The following ZNF28 variants were observed in gnomAD, a reference collection of about 807,000 sequenced individuals.
The protein encoded by ZNF28 is zinc finger protein 28, also known as zinc finger protein KOX24.
In ZNF28, 5 loss-of-function variants were observed where a neutral mutation model predicts 7.2. The ratio of observed to expected loss-of-function variants is 0.70; its 90% confidence interval spans 0.36 to 1.46. The LOEUF is 1.46. ZNF28 is among the 40% of genes most tolerant of loss of function. ZNF28 has a pLI of 0.03. For synonymous variants in ZNF28, 288 were observed against 292.4 expected (o/e 0.99, Z 0.15); for missense variants, 879 against 866.6 (o/e 1.01, Z -0.18).
chr19:52,799,730 G>A lies in ZNF28; in HGVS notation c.2115C>T (p.Asn705=), dbSNP rs111592619. The A allele has an allele frequency of 1.9e-6, 3 of 1,593,006 alleles. No individual in the cohort carries two copies. The highest frequency in any genetic ancestry group is 2.6e-6 in the Non-Finnish European group (3 of 1,164,042). The part of the protein sequence containing the change: ...ECGKTFSQMS[N]LVYHHRLHSG... ...TATGAAGTCTATGATGGTATACAAG[G>A]TTTGACATCTGACTGAAGGTCTTGC... is the stretch of plus-strand genomic sequence containing the variant. The change falls in exon 4 of 4, where the codon AAC becomes AAT. Residue 705 remains asparagine (N), a synonymous_variant. Coordinates refer to ENST00000457749, the MANE Select transcript of ZNF28 (RefSeq NM_006969.5).
chr19:52,811,734 G>A (rs538588785), intron 2 of ZNF28, among the ~76,000 whole-genome samples: 91 of 149,514 alleles, frequency 6.1e-4, no homozygotes, highest in Admixed American at 3.6e-3. Flanking sequence ...GTCTCCGCCC[G>A]GCAGCCGCCC....
Position 52,819,299 on chromosome 19 carries a change from AC to A in ZNF28, c.-73-1269del, listed in dbSNP as rs1218776702. On this transcript the variant is annotated intron_variant, in intron 1 of 3. Coordinates refer to ENST00000457749, the MANE Select transcript of ZNF28 (RefSeq NM_006969.5). The stretch of plus-strand genomic sequence containing the variant: ...GGGTTCCCTGCCAGGCACTGACATG[AC>A]CTGCTTTAGATGTAGCTGTGATATT... 1.4e-4 allele frequency among the ~76,000 whole-genome samples: 20 copies of A among 142,188 alleles called. 1 individual carries two copies. Among genetic ancestry groups the A allele is most frequent in the African/African-American group, 5.0e-4 (18 of 36,152 alleles). The allele number at this position is 142,188 out of a possible 152,430, so 93.3% of individuals were successfully genotyped here.
chr19:52,806,404 G>A (rs2062937508), intron 3 of ZNF28, among the ~76,000 whole-genome samples: 1 of 152,046 alleles, frequency 6.6e-6, no homozygotes, highest in Non-Finnish European at 1.5e-5. Flanking sequence ...ATGTTAACCA[G>A]GCTAGTTTTG....
At position 52,819,441 on chromosome 19, in the gene ZNF28, C is replaced by G. The variant is rs1382646220; in HGVS notation, c.-73-1410G>C. ...GGGGTACTGCATCCCACTGAAAATT[C>G]TAATTACAACTGGGCACTCCCCTCT... is the stretch of plus-strand genomic sequence containing the variant. On this transcript the variant is annotated intron_variant, in intron 1 of 3. Coordinates refer to ENST00000457749, the MANE Select transcript of ZNF28 (RefSeq NM_006969.5). 5.6e-5 allele frequency among the ~76,000 whole-genome samples: 7 copies of G among 125,140 alleles called. 1 individual carries two copies. The highest frequency in any genetic ancestry group is 2.3e-4 in the African/African-American group (7 of 30,298). The allele number at this position is 125,140 out of a possible 152,430, so 82.1% of individuals were successfully genotyped here. A position where few individuals can be genotyped will look rare whatever the true frequency, so the allele number is the denominator to read the frequency against.
chr19:52,797,507 C>G lies in ZNF28; in HGVS notation c.*2181G>C, dbSNP rs2062812083. On this transcript the variant is annotated 3_prime_UTR_variant, in exon 4 of 4. Coordinates refer to ENST00000457749, the MANE Select transcript of ZNF28 (RefSeq NM_006969.5). ...TACAACTGGAACTAATAAACATATT[C>G]AGTGTATTTGCAGAATAGAATAATA... 1 of 152,218 alleles carries G rather than the reference C, an allele frequency of 6.6e-6. No individual in the cohort carries two copies. Among genetic ancestry groups the G allele is most frequent in the African/African-American group, 2.4e-5 (1 of 41,450 alleles). The allele number at this position is 152,218 out of a possible 1,614,324, so 9.4% of individuals were successfully genotyped here.
chr19:52,814,613 G>A lies in ZNF28; in HGVS notation c.15+3331C>T, dbSNP rs1460283805. 1.4e-4 allele frequency among the ~76,000 whole-genome samples: 20 copies of A among 144,732 alleles called. 2 individuals carry two copies. Among genetic ancestry groups the A allele is most frequent in the African/African-American group, 5.2e-4 (19 of 36,876 alleles). The allele number at this position is 144,732 out of a possible 152,430, so 94.9% of individuals were successfully genotyped here. A position where few individuals can be genotyped will look rare whatever the true frequency, so the allele number is the denominator to read the frequency against. On this transcript the variant is annotated intron_variant, in intron 2 of 3. Transcript: ENST00000457749. ...TCAAAAAGAAAAAAAAAAGCTGGGCGAGGTGGCTCACGCCTGTGATTTCAA... is the reference window on the plus strand; with the variant it reads ...TCAAAAAGAAAAAAAAAAGCTGGGCAAGGTGGCTCACGCCTGTGATTTCAA...
At chr19:52,808,239 T>G (rs1289840204) in intron 2 of ZNF28, 106 bp from the exon 3 acceptor site, 40 of 1,536,400 alleles carry the variant, frequency 2.6e-5, no homozygotes, top group Non-Finnish European at 3.3e-5. Context: ...GTGAATGTTC[T>G]CACAAATCCG....
chr19:52,814,918 C>T lies in ZNF28; in HGVS notation c.15+3026G>A, dbSNP rs1224884951. 3.4e-5 allele frequency among the ~76,000 whole-genome samples: 5 copies of T among 145,748 alleles called. 1 individual carries two copies. The highest frequency in any genetic ancestry group is 7.4e-5 in the Non-Finnish European group (5 of 67,558). Reference sequence around the variant, plus strand: ...AAATAAATATATGAAAACAGAATTACTCAAAGTACGAAAATCTTTTTTTGC... The same window carrying T: ...AAATAAATATATGAAAACAGAATTATTCAAAGTACGAAAATCTTTTTTTGC... On this transcript the variant is annotated intron_variant, in intron 2 of 3. Transcript: ENST00000457749.
Position 52,800,477 on chromosome 19 carries a change from G to C in ZNF28, c.1368C>G (p.Arg456=). The C allele has an allele frequency of 1.2e-6, 2 of 1,612,572 alleles. No homozygotes were observed. The highest frequency in any genetic ancestry group is 1.7e-6 in the Non-Finnish European group (2 of 1,179,580). ...TCTCTGCAGTATGAAGTCTATGATG[G>C]CGTGCAAGAGTTGATTGTTGATTAA... ...KVFNQQSTLA[R]HHRLHTAEKP... Residue 456 remains arginine (R), a synonymous_variant, in exon 4 of 4, where the codon CGC becomes CGG. Coordinates refer to ENST00000457749, the MANE Select transcript of ZNF28 (RefSeq NM_006969.5).
At chr19:52,807,422 CAGG>C (rs1293224609) in intron 3 of ZNF28, among the ~76,000 whole-genome samples, 1 of 152,146 alleles carries the variant, frequency 6.6e-6, no homozygotes, top group Non-Finnish European at 1.5e-5. Flanking sequence ...ATCGAAAGCA[CAGG>C]AGAAGCAAAC....
At chr19:52,817,864 T>A in intron 2 of ZNF28, 80 bp downstream of exon 2, 2 of 1,600,430 alleles carry the variant, frequency 1.2e-6, no homozygotes, top group Non-Finnish European at 1.7e-6. Context: ...CACTTCAGAC[T>A]CAGAGAAGAC....
chr19:52,819,533 T>C (rs1266173883), intron 1 of ZNF28, among the ~76,000 whole-genome samples: 1 of 75,156 alleles, frequency 1.3e-5, no homozygotes, highest in African/African-American at 4.9e-5. Flanking sequence ...CCAGGGTCAC[T>C]CGGGTTGAGC....
intron 1 of ZNF28, among the ~76,000 whole-genome samples, chr19:52,819,172 C>G (rs1197925482): frequency 1.5e-5 from 2 of 137,698 alleles, no homozygotes; most frequent in African/African-American, 2.9e-5. Context: ...AGGGTAAGCT[C>G]CCAGGAGGAG....
chr19:52,810,302 T>C lies in ZNF28; in HGVS notation c.16-2169A>G, dbSNP rs2063002463. On this transcript the variant is annotated intron_variant, in intron 2 of 3. Transcript: ENST00000457749. ...CCATTGAGGAGAAGATGGAGGCTGA[T>C]GCCCGTTCCATCAATGCTGGCAATG... 4.5e-6 allele frequency: 7 copies of C among 1,550,848 alleles called. No homozygotes were observed. The Admixed American group carries it at 1.0e-4, about 22-fold the overall frequency.
intron 2 of ZNF28, chr19:52,809,822 A>AGGC (rs112288552): frequency 1.3e-4 from 70 of 527,350 alleles, no homozygotes; most frequent in African/African-American, 7.5e-4. Flanking sequence ...TGAGCGGCGA[A>AGGC]GGCGGCGGCG....
chr19:52,810,531 G>C (rs549777958), intron 2 of ZNF28: 4 of 1,596,926 alleles, frequency 2.5e-6, no homozygotes, highest in African/African-American at 2.7e-5. Flanking sequence ...ATCCCAAAGC[G>C]AACCAACAGA....
chr19:52,807,516 C>T (rs376908707), intron 3 of ZNF28, among the ~76,000 whole-genome samples: 14 of 152,272 alleles, frequency 9.2e-5, no homozygotes, highest in South Asian at 2.1e-4. Flanking sequence ...CTCTGTCGTC[C>T]GGGCTGGAGT....
intron 2 of ZNF28, 144 bp downstream of exon 2, chr19:52,817,795 CGAGAT>C: frequency 6.5e-7 from 1 of 1,529,922 alleles, no homozygotes; most frequent in Non-Finnish European, 8.9e-7. Flanking sequence ...GGAATCTAAG[CGAGAT>C]GAGATGAACT....
rs896251994 is a variant in ZNF28, at chr19:52,799,794, ACT to A, written c.2049_2050del (p.Arg683SerfsTer11). The A allele has an allele frequency of 1.2e-6, 2 of 1,613,784 alleles. No homozygotes were observed. The highest frequency in any genetic ancestry group is 1.6e-4 in the Middle Eastern group (1 of 6,082). ...CTTGTAAGGTTTCTCTCCAGTATGAACTCTCTGATGCTGTGCAAGGTGTGCTT... is the reference window on the plus strand; with the variant it reads ...CTTGTAAGGTTTCTCTCCAGTATGAACTCTGATGCTGTGCAAGGTGTGCTT... On this transcript the variant is annotated frameshift_variant, in exon 4 of 4. Transcript: ENST00000457749. LOFTEE classifies it low-confidence loss of function (END_TRUNC).
Sources: gnomAD v4.1 joint callset for allele counts (sites outside exome capture counted in the v4.1 genomes callset) on GRCh38, gnomAD v4.1.1 for gene constraint, MANE v1.5 for transcripts, NCBI Gene and HGNC (gene_info 2026-07-23, HGNC 2026-07-21) for gene names.